C5orf46: variants seen among roughly 807,000 people sequenced by gnomAD.
The protein encoded by C5orf46 is chromosome 5 open reading frame 46.
In C5orf46, 9 loss-of-function variants were observed where a neutral mutation model predicts 8.9. The observed-to-expected ratio is 1.01, with a 90% CI of 0.61 to 1.76. The LOEUF is 1.76. Among genes scored for constraint, C5orf46 ranks in the 40% most tolerant of loss-of-function variants. The probability of loss-of-function intolerance (pLI) is 0.00; values close to 1 mark genes in which losing one functional copy is unlikely to be tolerated. For missense variants in C5orf46, 98 were observed against 107.8 expected (o/e 0.91, Z 0.40); for synonymous variants, 47 against 41.4 (o/e 1.14, Z -0.52).
At chr5:147,894,793 G>T (rs1402887462) in intron 3 of C5orf46, among the ~76,000 whole-genome samples, 1 of 151,776 alleles carries the variant, frequency 6.6e-6, no homozygotes, top group Non-Finnish European at 1.5e-5. Context: ...CGGGAATGGT[G>T]GCTCACACCT....
At chr5:147,903,121 G>A (rs1349314603) in intron 1 of C5orf46, among the ~76,000 whole-genome samples, 1 of 152,148 alleles carries the variant, frequency 6.6e-6, no homozygotes, top group African/African-American at 2.4e-5. Context: ...ATTCCCAGGA[G>A]ATGAGAAGAG....
intron 2 of C5orf46, among the ~76,000 whole-genome samples, chr5:147,900,274 G>A (rs893322722): frequency 1.3e-5 from 2 of 152,118 alleles, no homozygotes; most frequent in Non-Finnish European, 2.9e-5. Flanking sequence ...GCACCTGTGA[G>A]TTTTAACAAT....
downstream of C5orf46, among the ~76,000 whole-genome samples, chr5:147,890,729 A>G (rs1294662192): frequency 2.0e-5 from 3 of 152,244 alleles, no homozygotes; most frequent in Non-Finnish European, 4.4e-5. Flanking sequence ...TAAAAAGAAC[A>G]TACTTGGACT....
intron 1 of C5orf46, 116 bp downstream of exon 1, chr5:147,906,316 T>C: frequency 1.9e-6 from 1 of 538,520 alleles, no homozygotes; most frequent in South Asian, 4.5e-5. Context: ...GCCAGTGCTC[T>C]TTCTGGAGTG....
chr5:147,891,772 A>G (rs550636793), downstream of C5orf46, among the ~76,000 whole-genome samples: 1 of 152,334 alleles, frequency 6.6e-6, no homozygotes, highest in African/African-American at 2.4e-5. Flanking sequence ...GGGATGTGAT[A>G]TTTGAAATTG....
At chr5:147,903,492 A>T (rs1346486071) in intron 1 of C5orf46, among the ~76,000 whole-genome samples, 1 of 152,178 alleles carries the variant, frequency 6.6e-6, no homozygotes, top group Non-Finnish European at 1.5e-5. Flanking sequence ...GATAAAGGAG[A>T]TGTAACTACC....
Position 147,901,624 on chromosome 5 carries a change from C to G in C5orf46, c.215+5G>C, listed in dbSNP as rs1218186165. 6.2e-6 allele frequency: 10 copies of G among 1,613,584 alleles called. No individual in the cohort carries two copies. Among genetic ancestry groups the G allele is most frequent in the Non-Finnish European group, 8.5e-6 (10 of 1,179,734 alleles). Reference sequence around the variant, plus strand: ...ACAAAAAGCAACGTTTTTCTCAGTGCTTACGTGCTCCTGGACATGGAGCGG... The same window carrying G: ...ACAAAAAGCAACGTTTTTCTCAGTGGTTACGTGCTCCTGGACATGGAGCGG... On this transcript the variant is annotated splice_donor_5th_base_variant and intron_variant, in intron 2 of 3. Coordinates refer to ENST00000318315, the MANE Select transcript of C5orf46 (RefSeq NM_206966.3).
At chr5:147,894,026 T>C (rs1757544344) in intron 3 of C5orf46, among the ~76,000 whole-genome samples, 1 of 152,166 alleles carries the variant, frequency 6.6e-6, no homozygotes, top group Admixed American at 6.5e-5. Context: ...TGGAATTTCC[T>C]GTCTGACTTA....
chr5:147,900,859 G>A (rs1160428838), intron 2 of C5orf46, among the ~76,000 whole-genome samples: 1 of 152,172 alleles, frequency 6.6e-6, no homozygotes, highest in Non-Finnish European at 1.5e-5. Context: ...ACTGAAATTT[G>A]GGAGATTAAT....
chr5:147,901,475 T>C (rs545490214), intron 2 of C5orf46, 154 bp downstream of exon 2: 5 of 642,972 alleles, frequency 7.8e-6, no homozygotes, highest in African/African-American at 3.7e-5. Flanking sequence ...AGATGCAAAA[T>C]ATATTTTAAG....
At chr5:147,898,398 G>T (rs73263249) in intron 2 of C5orf46, among the ~76,000 whole-genome samples, 1 of 151,980 alleles carries the variant, frequency 6.6e-6, no homozygotes, top group South Asian at 2.1e-4. Flanking sequence ...GATTCTGGGT[G>T]GATGATGATG....
At chr5:147,898,473 AT>A in intron 2 of C5orf46, among the ~76,000 whole-genome samples, 1 of 152,118 alleles carries the variant, frequency 6.6e-6, no homozygotes, top group Middle Eastern at 3.2e-3. Flanking sequence ...GACCAGTGGA[AT>A]TTGAAATAGT....
chr5:147,900,814 C>T (rs17625543), intron 2 of C5orf46, among the ~76,000 whole-genome samples: 11,163 of 152,218 alleles, frequency 0.073, 467 homozygotes, highest in Middle Eastern at 0.16. Context: ...TTGAAAGCAC[C>T]TGGAAATTTG....
At chr5:147,903,698 T>C (rs1488330629) in intron 1 of C5orf46, among the ~76,000 whole-genome samples, 1 of 152,244 alleles carries the variant, frequency 6.6e-6, no homozygotes, top group South Asian at 2.1e-4. Flanking sequence ...CACCTATTCA[T>C]ATATCCAATG....
chr5:147,895,949 A>G (rs551716511), intron 3 of C5orf46, among the ~76,000 whole-genome samples: 1 of 152,252 alleles, frequency 6.6e-6, no homozygotes, highest in South Asian at 2.1e-4. Flanking sequence ...ACTTACATTA[A>G]TCACACCCAG....
downstream of C5orf46, among the ~76,000 whole-genome samples, chr5:147,888,855 G>A (rs1757459634): frequency 6.6e-6 from 1 of 152,084 alleles, no homozygotes; most frequent in African/African-American, 2.4e-5. Flanking sequence ...AATTCTTTAA[G>A]TGTATACTTT....
chr5:147,893,408 C>T (rs1367367738), intron 3 of C5orf46, among the ~76,000 whole-genome samples: 1 of 150,990 alleles, frequency 6.6e-6, no homozygotes, highest in African/African-American at 2.4e-5. Flanking sequence ...CCTCAGCCTC[C>T]CGAGTAGCTG....
At chr5:147,889,081 A>G (rs543899838), downstream of C5orf46, among the ~76,000 whole-genome samples, 82 of 152,146 alleles carry the variant, frequency 5.4e-4, no homozygotes, top group African/African-American at 1.8e-3. Context: ...TTATATATAA[A>G]TATTAGTGCA....
chr5:147,904,948 AAATG>A (rs1260553952), intron 1 of C5orf46, among the ~76,000 whole-genome samples: 4 of 150,936 alleles, frequency 2.7e-5, no homozygotes, highest in Non-Finnish European at 5.9e-5. Flanking sequence ...AATAAATAAT[AAATG>A]AAAGAATGAA....
Sources: gnomAD v4.1 joint callset for allele counts (sites outside exome capture counted in the v4.1 genomes callset) on GRCh38, gnomAD v4.1.1 for gene constraint, MANE v1.5 for transcripts, NCBI Gene and HGNC (gene_info 2026-07-23, HGNC 2026-07-21) for gene names.